The following BAHCC1 variants were observed in gnomAD, a reference collection of about 807,000 sequenced individuals.
The protein encoded by BAHCC1 is BAH domain and coiled-coil containing 1.
In BAHCC1, 43 loss-of-function variants were observed where a neutral mutation model predicts 88.2. The ratio of observed to expected loss-of-function variants is 0.49; its 90% CI spans 0.38 to 0.63. The LOEUF is 0.63. Ranked by LOEUF, BAHCC1 falls within the 20% of genes least tolerant of loss-of-function variation. The pLI, the probability that BAHCC1 is intolerant of heterozygous loss-of-function variation, is 0.00. For synonymous variants in BAHCC1, 1,510 were observed against 745.5 expected, an observed-to-expected ratio of 2.03 and a Z score of -16.71; for missense variants, 3,023 against 1,654.8, an observed-to-expected ratio of 1.83 and a Z score of -14.34.
Position 81,443,104 on chromosome 17 carries a change from T to C in BAHCC1, c.1755T>C (p.Gly585=), listed in dbSNP as rs1555653164. 1 of 777,958 alleles carries C rather than the reference T, an allele frequency of 1.3e-6. No individual in the cohort carries two copies. Among genetic ancestry groups the C allele is most frequent in the Admixed American group, 1.7e-5 (1 of 59,004 alleles). The allele number at this position is 777,958 out of a possible 1,614,324, so 48.2% of individuals were successfully genotyped here. ...GYSGPHLPPW[G]VQAGQGTAMA... is the part of the protein sequence containing the mutation. ...GTGGGCCCCACCTGCCCCCATGGGG[T>C]GTCCAGGCAGGCCAGGGCACCGCCA... The change falls in exon 5 of 28, where the codon GGT becomes GGC. Residue 585 remains glycine, a synonymous_variant. Coordinates refer to ENST00000675386, the MANE Select transcript of BAHCC1 (RefSeq NM_001377448.1).
intron 2 of BAHCC1, among the ~76,000 whole-genome samples, chr17:81,422,630 C>T (rs1195750659): frequency 3.9e-5 from 6 of 152,176 alleles, no homozygotes; most frequent in Non-Finnish European, 8.8e-5. Context: ...TCCCCCAAGT[C>T]CGGAGACAGG....
chr17:81,399,752 G>T lies in BAHCC1; in HGVS notation c.13G>T (p.Asp5Tyr), dbSNP rs1555645670. Residue 5 changes from aspartate to tyrosine, a missense_variant, in exon 2 of 28, where the codon GAC becomes TAC. Coordinates refer to ENST00000675386, the MANE Select transcript of BAHCC1 (RefSeq NM_001377448.1). The surrounding 1 kb of genome is among the most constrained non-coding windows in gnomAD (Gnocchi z 4.5). MDGRDFAPPPHLLSE... is the reference protein window; with the variant it reads MDGRYFAPPPHLLSE... ...GCCGGGGCCCGGCATGGATGGCCGC[G>T]ACTTTGCGCCGCCGCCGCATCTGCT... 2.2e-5 allele frequency: 26 copies of T among 1,173,510 alleles called. No individual in the cohort carries two copies. Among genetic ancestry groups the T allele is most frequent in the South Asian group, 3.8e-5 (1 of 26,570 alleles). 72.7% of individuals were successfully genotyped at this position (1,173,510 alleles called of 1,614,324 possible).
At chr17:81,425,714 G>A (rs201176559) in intron 2 of BAHCC1, among the ~76,000 whole-genome samples, 1 of 127,574 alleles carries the variant, frequency 7.8e-6, no homozygotes, top group South Asian at 2.6e-4. Context: ...GGTGGTGATA[G>A]TGGTGGGTGA....
Position 81,445,533 on chromosome 17 carries a change from C to T in BAHCC1, c.3015C>T (p.Ser1005=), listed in dbSNP as rs1568022152. 1.4e-6 allele frequency: 1 copy of T among 728,366 alleles called. No individual in the cohort carries two copies. Among genetic ancestry groups the T allele is most frequent in the Non-Finnish European group, 2.5e-6 (1 of 392,900 alleles). 45.1% of individuals were successfully genotyped at this position (728,366 alleles called of 1,614,324 possible). A position where few individuals can be genotyped will look rare whatever the true frequency, so the allele number is the denominator to read the frequency against. ...CCGACCCAAAGCCCCCCGCCAGCTC[C>T]CCCACCCCACCACCTCGGCCCAGCG... ...HPPDPKPPAS[S]PTPPPRPSAP... Residue 1005 remains serine, a synonymous_variant, in exon 10 of 28, where the codon TCC becomes TCT. Transcript: ENST00000675386.
intron 3 of BAHCC1, among the ~76,000 whole-genome samples, chr17:81,430,309 C>T (rs1238261050): frequency 1.3e-5 from 2 of 152,166 alleles, no homozygotes; most frequent in Non-Finnish European, 2.9e-5. Context: ...GGGGTGGGGG[C>T]AGGGGCTGCT....
In BAHCC1 at chr17:81,447,741, C is replaced by CCAG. The variant is rs1555654979; in HGVS notation, c.3872_3874dup (p.Ser1291dup). The stretch of plus-strand genomic sequence containing the variant: ...CAGCCCCCAGCGGCCTCTGGGCCCC[C>CCAG]CAGCACAGTCCCCCTGCCTCATAGC... On this transcript the variant is annotated inframe_insertion, in exon 11 of 28. Coordinates refer to ENST00000675386, the MANE Select transcript of BAHCC1 (RefSeq NM_001377448.1). 1 of 735,076 alleles carries CCAG rather than the reference C, an allele frequency of 1.4e-6. No individual in the cohort carries two copies. The highest frequency in any genetic ancestry group is 1.9e-5 in the Admixed American group (1 of 52,436). The allele number at this position is 735,076 out of a possible 1,614,324, so 45.5% of individuals were successfully genotyped here. A position where few individuals can be genotyped will look rare whatever the true frequency, so the allele number is the denominator to read the frequency against.
chr17:81,403,347 G>A (rs1567992801), intron 2 of BAHCC1, among the ~76,000 whole-genome samples: 2 of 152,146 alleles, frequency 1.3e-5, no homozygotes, highest in Non-Finnish European at 2.9e-5. Flanking sequence ...TCTTTGGGGT[G>A]TAAATTGCTG....
Position 81,458,839 on chromosome 17 carries a change from G to C in BAHCC1, c.5475G>C (p.Leu1825=), listed in dbSNP as rs782394302. ...GCAAGGGCCGGGCCGTGAGCCGCCT[G>C]CTGGAAAGCTTCGCCGTGGAGGAAG... ...KQGKGRAVSR[L]LESFAVEEDF... Residue 1825 remains leucine (L), a synonymous_variant, in exon 20 of 28, where the codon CTG becomes CTC. Transcript: ENST00000675386. 3.9e-5 allele frequency: 30 copies of C among 767,976 alleles called. No homozygotes were observed. Among genetic ancestry groups the C allele is most frequent in the Non-Finnish European group, 6.6e-5 (27 of 409,598 alleles). The allele number at this position is 767,976 out of a possible 1,614,324, so 47.6% of individuals were successfully genotyped here. A position where few individuals can be genotyped will look rare whatever the true frequency, so the allele number is the denominator to read the frequency against.
rs1350268090 is a variant in BAHCC1, at chr17:81,443,850, G to C, written c.2257G>C (p.Ala753Pro). 2 of 714,110 alleles carry C rather than the reference G, an allele frequency of 2.8e-6. No individual in the cohort carries two copies. Among genetic ancestry groups the C allele is most frequent in the Non-Finnish European group, 5.2e-6 (2 of 384,882 alleles). The allele number at this position is 714,110 out of a possible 1,614,324, so 44.2% of individuals were successfully genotyped here. ...PRSTHALDLE[A>P]EEERTRLCDD... Reference sequence around the variant, plus strand: ...TTCCACACACGCGCTGGACCTGGAGGCTGAGGAGGAGAGGACGAGGCTATG... The same window carrying C: ...TTCCACACACGCGCTGGACCTGGAGCCTGAGGAGGAGAGGACGAGGCTATG... The change falls in exon 6 of 28, where the codon GCT becomes CCT. Residue 753 changes from alanine (A) to proline (P), a missense_variant. By Grantham distance (27) the Ala-to-Pro change is conservative. Coordinates refer to ENST00000675386, the MANE Select transcript of BAHCC1 (RefSeq NM_001377448.1).
Position 81,443,439 on chromosome 17 carries a change from A to C in BAHCC1, c.2090A>C (p.Glu697Ala), listed in dbSNP as rs1555653320. ...CACGACACCACGCACGGCGACGGGG[A>C]GGTGCGGCAGCCCCCTGTGGGCATT... ...REHDTTHGDG[E>A]VRQPPVGIAV... is the part of the protein sequence containing the mutation. Residue 697 changes from glutamate (E) to alanine (A), a missense_variant, in exon 5 of 28, where the codon GAG becomes GCG. Coordinates refer to ENST00000675386, the MANE Select transcript of BAHCC1 (RefSeq NM_001377448.1). The C allele has an allele frequency of 2.7e-6, 2 of 749,274 alleles. No homozygotes were observed. Among genetic ancestry groups the C allele is most frequent in the Admixed American group, 3.7e-5 (2 of 54,730 alleles). 46.4% of individuals were successfully genotyped at this position (749,274 alleles called of 1,614,324 possible). A position where few individuals can be genotyped will look rare whatever the true frequency, so the allele number is the denominator to read the frequency against.
In BAHCC1 at chr17:81,427,838, C is replaced by T. The variant is rs1431620348; in HGVS notation, c.358+859C>T. Among the ~76,000 whole-genome samples the T allele has an allele frequency of 2.6e-5, 4 of 152,218 alleles. No individual in the cohort carries two copies. The East Asian group carries it at 5.8e-4, about 22-fold the overall frequency. ...CCGTAACTCAATGACTGCTGAGCGG[C>T]GGGCGTCGTGTTTACAGAGCGCCGC... On this transcript the variant is annotated intron_variant, in intron 3 of 27. Transcript: ENST00000675386.
chr17:81,461,136 T>G lies in BAHCC1; in HGVS notation c.6473T>G (p.Phe2158Cys), dbSNP rs1555659160. Residue 2158 changes from phenylalanine to cysteine, a missense_variant, in exon 26 of 28, where the codon TTC becomes TGC. Coordinates refer to ENST00000675386, the MANE Select transcript of BAHCC1 (RefSeq NM_001377448.1). Reference protein sequence around the residue: ...IFGNGFRADSFSSLASSYAPF... With the variant: ...IFGNGFRADSCSSLASSYAPF... The stretch of plus-strand genomic sequence containing the variant: ...GGCAACGGCTTCCGCGCCGACTCCT[T>G]CAGCAGCCTGGCCAGCTCCTACGCG... 6.6e-6 allele frequency: 5 copies of G among 762,852 alleles called. No individual in the cohort carries two copies. Among genetic ancestry groups the G allele is most frequent in the Non-Finnish European group, 9.6e-6 (4 of 415,672 alleles). The allele number at this position is 762,852 out of a possible 1,614,324, so 47.3% of individuals were successfully genotyped here. A position where few individuals can be genotyped will look rare whatever the true frequency, so the allele number is the denominator to read the frequency against.
rs1350332995 is a variant in BAHCC1 at position 81,458,911 on chromosome 17, C to CGAGGAGGAAGAG, written c.5556_5567dup (p.Glu1852_Glu1855dup). On this transcript the variant is annotated inframe_insertion, in exon 20 of 28. Transcript: ENST00000675386. ...GCAGCTTCTCGGAAGAGGAGGAGGA[C>CGAGGAGGAAGAG]GAGGAGGAAGAGGAGGAGGACAGCG... is the stretch of plus-strand genomic sequence containing the variant. 1.3e-6 allele frequency: 1 copy of CGAGGAGGAAGAG among 770,982 alleles called. No homozygotes were observed. Among genetic ancestry groups the CGAGGAGGAAGAG allele is most frequent in the African/African-American group, 1.7e-5 (1 of 59,010 alleles). 47.8% of individuals were successfully genotyped at this position (770,982 alleles called of 1,614,324 possible).
intron 26 of BAHCC1, among the ~76,000 whole-genome samples, chr17:81,462,408 G>A (rs1360736722): frequency 6.6e-6 from 1 of 152,238 alleles, no homozygotes; most frequent in Non-Finnish European, 1.5e-5. Flanking sequence ...CCAGGGCACT[G>A]CTCGGGGGCG....
intron 14 of BAHCC1, 70 bp from the exon 15 acceptor site, chr17:81,455,197 G>A: frequency 1.5e-6 from 1 of 687,510 alleles, no homozygotes; most frequent in Admixed American, 2.0e-5. Context: ...CCACTACAGA[G>A]ACAGTAGGGG....
In BAHCC1 at chr17:81,460,571, C is replaced by T. The variant is rs985572792; in HGVS notation, c.6067C>T (p.Arg2023Trp). ...AGCCCTGCTAGTGTCTAGCAGCTGC[C>T]GGAGGACCAAGAAGGTATCCAGTGA... ...SPALLVSSSCRRTKKVSSEAP... is the reference protein window; with the variant it reads ...SPALLVSSSCWRTKKVSSEAP... The change falls in exon 25 of 28, where the codon CGG becomes TGG. Residue 2023 changes from arginine to tryptophan, a missense_variant. By Grantham distance (101) the Arg-to-Trp change is moderately radical. Transcript: ENST00000675386. 1.6e-5 allele frequency: 12 copies of T among 767,864 alleles called. No homozygotes were observed. Among genetic ancestry groups the T allele is most frequent in the African/African-American group, 3.4e-5 (2 of 58,926 alleles). The allele number at this position is 767,864 out of a possible 1,614,324, so 47.6% of individuals were successfully genotyped here. A position where few individuals can be genotyped will look rare whatever the true frequency, so the allele number is the denominator to read the frequency against.
chr17:81,458,969 G>A lies in BAHCC1; in HGVS notation c.5605G>A (p.Ala1869Thr). 1.4e-6 allele frequency: 1 copy of A among 731,802 alleles called. No homozygotes were observed. Among genetic ancestry groups the A allele is most frequent in the South Asian group, 1.4e-5 (1 of 69,340 alleles). 45.3% of individuals were successfully genotyped at this position (731,802 alleles called of 1,614,324 possible). Residue 1869 changes from alanine (A) to threonine (T), a missense_variant and splice_region_variant, in exon 20 of 28, where the codon GCG becomes ACG. Physicochemically the swap from Ala to Thr is moderately conservative, Grantham distance 58. Transcript: ENST00000675386. ...GAGCGCAGAGCAGAGCGCCGCCCTA[G>A]GTGAGCAGGGCCAGGAAGGGTGCCA... ...PLSAEQSAAL[A>T]RSCAIHKEDL...
rs569818573 is a variant in BAHCC1, at chr17:81,453,155, G to A, written c.4445+304G>A. ...CACACCTGGCTGTGGCATCGTCCCC[G>A]CCCGGCCCCCCTGGAGTGTGAGGCG... is the stretch of plus-strand genomic sequence containing the variant. On this transcript the variant is annotated intron_variant, in intron 14 of 27. Coordinates refer to ENST00000675386, the MANE Select transcript of BAHCC1 (RefSeq NM_001377448.1). 4.6e-5 allele frequency among the ~76,000 whole-genome samples: 7 copies of A among 152,316 alleles called. No individual in the cohort carries two copies. The East Asian group carries it at 5.8e-4, about 13-fold the overall frequency.
chr17:81,414,168 G>A (rs555005185), intron 2 of BAHCC1, among the ~76,000 whole-genome samples: 2 of 152,318 alleles, frequency 1.3e-5, no homozygotes, highest in Admixed American at 6.5e-5. Flanking sequence ...TGGCCCCCTC[G>A]ATGTCCGCCT....
Sources: gnomAD v4.1 joint callset for allele counts (sites outside exome capture counted in the v4.1 genomes callset) on GRCh38, gnomAD v4.1.1 for gene constraint, Gnocchi (gnomAD v3.1) non-coding constraint, MANE v1.5 for transcripts, NCBI Gene and HGNC (gene_info 2026-07-23, HGNC 2026-07-21) for gene names.